CASP6: variants seen among roughly 807,000 people sequenced by gnomAD.
CASP6 encodes the protein caspase 6.
Under a neutral mutation model 31.8 loss-of-function variants are expected in CASP6, and 20 were observed. The ratio of observed to expected loss-of-function variants is 0.63; its 90% CI spans 0.44 to 0.91. The LOEUF is 0.91. CASP6 is among the 40% of genes least tolerant of loss of function. The pLI, the probability that CASP6 is intolerant of heterozygous loss-of-function variation, is 0.00. For synonymous variants in CASP6, 130 were observed against 127.8 expected, an observed-to-expected ratio of 1.02 and a Z score of -0.12; for missense variants, 328 against 361.1, an observed-to-expected ratio of 0.91 and a Z score of 0.74.
chr4:109,705,349 C>G (rs1233739382), upstream of CASP6, among the ~76,000 whole-genome samples: 1 of 152,192 alleles, frequency 6.6e-6, no homozygotes, highest in Non-Finnish European at 1.5e-5. Context: ...AATATTACTC[C>G]TCATTGACAA....
rs1730038948 is a variant in CASP6 at position 109,691,016 on chromosome 4, G to C, written c.484-7C>G. ...GCTGGTTTCCCCGACATGCCTACAA[G>C]ACAAGGAGGAAAAACCCACCTCTTT... is the stretch of plus-strand genomic sequence containing the variant. On this transcript the variant is annotated splice_region_variant and splice_polypyrimidine_tract_variant and intron_variant, in intron 5 of 6. Transcript: ENST00000265164. 6.2e-7 allele frequency: 1 copy of C among 1,604,926 alleles called. No homozygotes were observed. The highest frequency in any genetic ancestry group is 8.5e-7 in the Non-Finnish European group (1 of 1,175,688).
At chr4:109,703,643 G>C (rs1730508212), upstream of CASP6, 15 of 557,966 alleles carry the variant, frequency 2.7e-5, no homozygotes, top group East Asian at 2.5e-4. Flanking sequence ...AGAGGTACGC[G>C]GTCTTCGCCT....
In CASP6 at chr4:109,694,675, G is replaced by A. The variant is rs2227927; in HGVS notation, c.333C>T (p.Ala111=). 8.1e-3 allele frequency: 13,015 copies of A among 1,600,028 alleles called. 916 individuals are homozygous for A. In the African/African-American group the frequency reaches 0.15, roughly 19 times the overall value. The change falls in exon 5 of 7, where the codon GCC becomes GCT. Residue 111 remains alanine, a synonymous_variant. Coordinates refer to ENST00000265164, the MANE Select transcript of CASP6 (RefSeq NM_001226.4). ...TCAGGAAGACACACACAAAGCAATCGGCATCTGCGTGGCTAACAGTTGACA... is the reference window on the plus strand; with the variant it reads ...TCAGGAAGACACACACAAAGCAATCAGCATCTGCGTGGCTAACAGTTGACA... The part of the protein sequence containing the change: ...HEVSTVSHAD[A]DCFVCVFLSH...
chr4:109,699,047 C>G (rs1033986056), intron 1 of CASP6, among the ~76,000 whole-genome samples: 1 of 152,212 alleles, frequency 6.6e-6, no homozygotes, highest in Non-Finnish European at 1.5e-5. Context: ...CCACATGTGT[C>G]TACTGAGCAT....
chr4:109,689,641 C>T (rs1729971435), intron 6 of CASP6, 73 bp from the exon 7 acceptor site: 1 of 1,336,274 alleles, frequency 7.5e-7, no homozygotes, highest in Non-Finnish European at 1.1e-6. Context: ...TTTTTAGTTA[C>T]AGAAGTATAA....
the CASP6 span, among the ~76,000 whole-genome samples, chr4:109,680,880 A>G: frequency 0.1 from 15,367 of 152,232 alleles, 887 homozygotes; most frequent in Non-Finnish European, 0.13. Context: ...GTGATAATGA[A>G]CAATTACAGC....
upstream of CASP6, among the ~76,000 whole-genome samples, chr4:109,704,774 G>A (rs575352651): frequency 2.2e-4 from 33 of 152,276 alleles, no homozygotes; most frequent in Non-Finnish European, 3.7e-4. Context: ...ACAGTGGTGC[G>A]ATCTTTTGCA....
the CASP6 span, among the ~76,000 whole-genome samples, chr4:109,680,366 T>A: frequency 6.6e-6 from 1 of 152,200 alleles, no homozygotes; most frequent in African/African-American, 2.4e-5. Flanking sequence ...TTCAAGCCCC[T>A]GCTGTTCACC....
chr4:109,678,032 C>T, the CASP6 span, among the ~76,000 whole-genome samples: 1 of 151,882 alleles, frequency 6.6e-6, no homozygotes, highest in African/African-American at 2.4e-5. Context: ...AACGAGTATG[C>T]TGCCTTCAGG....
At chr4:109,705,196 G>A (rs564006724), upstream of CASP6, among the ~76,000 whole-genome samples, 79 of 152,204 alleles carry the variant, frequency 5.2e-4, no homozygotes, top group Non-Finnish European at 1.0e-3. Context: ...AAATCCTAGT[G>A]CCCTTAAGAA....
the CASP6 span, among the ~76,000 whole-genome samples, chr4:109,669,888 T>A: frequency 6.6e-6 from 1 of 152,232 alleles, no homozygotes; most frequent in Admixed American, 6.5e-5. Context: ...AGAATTTCCA[T>A]CTGTCTTCTT....
the CASP6 span, among the ~76,000 whole-genome samples, chr4:109,669,174 C>T: frequency 6.6e-6 from 1 of 152,230 alleles, no homozygotes; most frequent in South Asian, 2.1e-4. Context: ...TTGCTTTTCT[C>T]TGAAGAACTT....
At chr4:109,707,467 A>G (rs1730643313), upstream of CASP6, among the ~76,000 whole-genome samples, 1 of 150,616 alleles carries the variant, frequency 6.6e-6, no homozygotes, top group African/African-American at 2.5e-5. Context: ...GCTCACCGCA[A>G]CCTCTGCCGC....
At chr4:109,694,249 C>T (rs966678822) in intron 5 of CASP6, among the ~76,000 whole-genome samples, 8 of 152,198 alleles carry the variant, frequency 5.3e-5, no homozygotes, top group African/African-American at 1.9e-4. Context: ...TTTCCAATGG[C>T]TCTCCTTGGT....
At chr4:109,666,352 T>G in the CASP6 span, among the ~76,000 whole-genome samples, 1 of 152,194 alleles carries the variant, frequency 6.6e-6, no homozygotes, top group Non-Finnish European at 1.5e-5. Flanking sequence ...GTGAGAGTGT[T>G]TAGTTTTGTG....
chr4:109,696,881 C>G (rs1025345305), intron 3 of CASP6, among the ~76,000 whole-genome samples: 2 of 149,900 alleles, frequency 1.3e-5, no homozygotes, highest in African/African-American at 2.5e-5. Context: ...CGCCTCCTGG[C>G]TTCATGCCAT....
At chr4:109,698,523 T>C (rs1730321849) in intron 1 of CASP6, among the ~76,000 whole-genome samples, 181 bp from the exon 2 acceptor site, 1 of 152,184 alleles carries the variant, frequency 6.6e-6, no homozygotes, top group African/African-American at 2.4e-5. Context: ...AAACAAACTA[T>C]AACAGCTCTA....
chr4:109,680,222 C>T, the CASP6 span, among the ~76,000 whole-genome samples: 9 of 152,318 alleles, frequency 5.9e-5, no homozygotes, highest in African/African-American at 1.9e-4. Context: ...GGGTGCCTGG[C>T]TCTGACTTGC....
chr4:109,668,076 A>G, the CASP6 span, among the ~76,000 whole-genome samples: 1 of 151,970 alleles, frequency 6.6e-6, no homozygotes, highest in Non-Finnish European at 1.5e-5. Context: ...TGTCTTGATG[A>G]GATGTTCCCT....
Sources: allele counts gnomAD v4.1 joint callset (sites outside exome capture counted in the v4.1 genomes callset), GRCh38; gene constraint gnomAD v4.1.1; transcripts MANE v1.5; gene names NCBI Gene and HGNC (gene_info 2026-07-23, HGNC 2026-07-21).